The following ZNF506 variants were observed in gnomAD, a reference collection of about 807,000 sequenced individuals.
The protein encoded by ZNF506 is zinc finger protein 506.
A neutral mutation model predicts 11.6 loss-of-function variants in ZNF506; 10 were observed. That is an observed-to-expected ratio of 0.86 (90% CI 0.53 to 1.46). The LOEUF (loss-of-function observed/expected upper bound fraction) is 1.46. Ranked by LOEUF, ZNF506 falls within the 40% of genes most tolerant of loss-of-function variation. ZNF506 has a pLI of 0.00. For synonymous variants in ZNF506, 156 were observed against 173.3 expected, an observed-to-expected ratio of 0.90 and a Z score of 0.78; for missense variants, 425 against 521.2, an observed-to-expected ratio of 0.82 and a Z score of 1.80.
chr19:19,821,576 C>T (rs550822340), intron 1 of ZNF506, 25 bp downstream of exon 1: 5 of 1,614,030 alleles, frequency 3.1e-6, no homozygotes, highest in Non-Finnish European at 4.2e-6. Context: ...CTCCCTCTCT[C>T]GGGATGTCGA....
Position 19,806,023 on chromosome 19 carries a change from G to A in ZNF506, c.226+8C>T, listed in dbSNP as rs761543458. On this transcript the variant is annotated splice_region_variant and intron_variant, in intron 3 of 3. Transcript: ENST00000540806. ...TTGTCTGTCCTATTCATTTTCACTC[G>A]CACCTACCTGGGGGTTTGGCAATCA... The A allele has an allele frequency of 1.9e-6, 3 of 1,599,500 alleles. No homozygotes were observed. The highest frequency in any genetic ancestry group is 1.4e-5 in the African/African-American group (1 of 73,832).
intron 3 of ZNF506, among the ~76,000 whole-genome samples, chr19:19,800,391 A>AATATATATATATATTTATATATAT (rs1555771286): frequency 1.7e-4 from 24 of 139,238 alleles, no homozygotes; most frequent in East Asian, 4.7e-4. Flanking sequence ...AACTAAACAG[A>AATATATATATATATTTATATATAT]ATATATATAT....
intron 1 of ZNF506, among the ~76,000 whole-genome samples, chr19:19,816,394 G>C (rs1175701635): frequency 6.6e-6 from 1 of 152,018 alleles, no homozygotes; most frequent in Admixed American, 6.6e-5. Flanking sequence ...GTCTTGCTCT[G>C]CTGCCCAGGC....
At chr19:19,811,823 A>C (rs559864661) in intron 1 of ZNF506, among the ~76,000 whole-genome samples, 366 of 152,204 alleles carry the variant, frequency 2.4e-3, no homozygotes, top group Non-Finnish European at 4.0e-3. Context: ...TTCTCTTCAT[A>C]AATATGCCTT....
intron 3 of ZNF506, chr19:19,799,517 G>T: frequency 3.2e-6 from 2 of 626,398 alleles, no homozygotes; most frequent in South Asian, 3.7e-5. Flanking sequence ...TACTTTCTAT[G>T]ACAAAAATGG....
At chr19:19,805,897 G>A (rs563808436) in intron 3 of ZNF506, 134 bp downstream of exon 3, 133 of 720,486 alleles carry the variant, frequency 1.8e-4, no homozygotes, top group Admixed American at 1.8e-3. Context: ...GAAAAGAAAA[G>A]AAAAAAAAAG....
Position 19,794,392 on chromosome 19 carries a change from T to A in ZNF506, c.*160A>T. On this transcript the variant is annotated 3_prime_UTR_variant, in exon 4 of 4. Transcript: ENST00000540806. ...TAGGGTTTCTGTCCAGTATAAATTA[T>A]GTGTAATAAGGGTTGAGAACTTCCT... The A allele has an allele frequency of 1.5e-6, 1 of 688,470 alleles. No individual in the cohort carries two copies. The highest frequency in any genetic ancestry group is 2.4e-6 in the Non-Finnish European group (1 of 420,294). The allele number at this position is 688,470 out of a possible 1,614,324, so 42.6% of individuals were successfully genotyped here.
intron 1 of ZNF506, among the ~76,000 whole-genome samples, chr19:19,811,809 GTTC>G (rs2062885584): frequency 6.6e-6 from 1 of 151,988 alleles, no homozygotes; most frequent in East Asian, 1.9e-4. Context: ...TATAATAACG[GTTC>G]TTCTCTTCAT....
Position 19,792,932 on chromosome 19 carries a change from T to C in ZNF506, c.*1620A>G, listed in dbSNP as rs569040589. ...AAGAGCCTCTCCACTTACATTTTTATCATGCATCTTACATTTTAATGTCCT... is the reference window on the plus strand; with the variant it reads ...AAGAGCCTCTCCACTTACATTTTTACCATGCATCTTACATTTTAATGTCCT... On this transcript the variant is annotated 3_prime_UTR_variant, in exon 4 of 4. Transcript: ENST00000540806. 1.3e-5 allele frequency among the ~76,000 whole-genome samples: 2 copies of C among 152,302 alleles called. No individual in the cohort carries two copies. Among genetic ancestry groups the C allele is most frequent in the East Asian group, 3.9e-4 (2 of 5,190 alleles).
chr19:19,814,048 C>T (rs2062906994), intron 1 of ZNF506, among the ~76,000 whole-genome samples: 2 of 151,572 alleles, frequency 1.3e-5, no homozygotes, highest in Non-Finnish European at 2.9e-5. Flanking sequence ...TACTCTGTGG[C>T]CACTAAAAAA....
intron 1 of ZNF506, among the ~76,000 whole-genome samples, chr19:19,807,849 T>A (rs151068660): frequency 6.6e-6 from 1 of 152,160 alleles, no homozygotes; most frequent in Non-Finnish European, 1.5e-5. Context: ...AATGCCAATG[T>A]TTTTGGCCCC....
intron 3 of ZNF506, chr19:19,798,604 A>C (rs2062764061): frequency 6.8e-6 from 1 of 147,112 alleles, no homozygotes; most frequent in African/African-American, 2.5e-5. Context: ...ACAGTGAGCC[A>C]AGATCGCGCC....
At chr19:19,817,180 T>TC (rs2062939393) in intron 1 of ZNF506, among the ~76,000 whole-genome samples, 1 of 152,152 alleles carries the variant, frequency 6.6e-6, no homozygotes. Context: ...TCAGTCTGAG[T>TC]CAACATACAA....
At chr19:19,817,434 ATTT>A (rs59740974) in intron 1 of ZNF506, among the ~76,000 whole-genome samples, 1 of 46,212 alleles carries the variant, frequency 2.2e-5, no homozygotes, top group Non-Finnish European at 4.9e-5. Flanking sequence ...CGTAAATCTG[ATTT>A]TTTTTTTTTT....
chr19:19,801,494 CA>C (rs11410517), intron 3 of ZNF506, among the ~76,000 whole-genome samples: 174 of 131,096 alleles, frequency 1.3e-3, no homozygotes, highest in Admixed American at 1.5e-3. Context: ...GAATCCATCT[CA>C]AAAAAAAAAA....
intron 1 of ZNF506, among the ~76,000 whole-genome samples, chr19:19,815,735 C>A (rs995152843): frequency 2.0e-5 from 3 of 152,228 alleles, no homozygotes; most frequent in Admixed American, 6.5e-5. Flanking sequence ...ATGGCAGATG[C>A]CAGTCACAAA....
chr19:19,797,637 C>G (rs1324848125), intron 3 of ZNF506: 1 of 151,772 alleles, frequency 6.6e-6, no homozygotes, highest in Non-Finnish European at 1.5e-5. Context: ...TAGGGCAAAG[C>G]TGAAAAGCTG....
intron 1 of ZNF506, among the ~76,000 whole-genome samples, chr19:19,814,630 C>G (rs2062914514): frequency 1.3e-5 from 2 of 151,718 alleles, no homozygotes; most frequent in Non-Finnish European, 2.9e-5. Context: ...AATCTGCACA[C>G]CAAACCTCCA....
chr19:19,808,794 G>T (rs553817460), intron 1 of ZNF506, among the ~76,000 whole-genome samples: 1 of 138,948 alleles, frequency 7.2e-6, no homozygotes, highest in East Asian at 2.2e-4. Flanking sequence ...ACTGAGCCAA[G>T]ATCGCGCTAC....
Sources: gnomAD v4.1 joint callset for allele counts (sites outside exome capture counted in the v4.1 genomes callset) on GRCh38, gnomAD v4.1.1 for gene constraint, MANE v1.5 for transcripts, NCBI Gene and HGNC (gene_info 2026-07-23, HGNC 2026-07-21) for gene names.